SSB: variants seen among roughly 807,000 people sequenced by gnomAD.
SSB encodes lupus La protein.
SSB carries 17 observed loss-of-function variants against 52.9 expected under a neutral mutation model. The ratio of observed to expected loss-of-function variants is 0.32; its 90% CI spans 0.22 to 0.48. The LOEUF (loss-of-function observed/expected upper bound fraction) is 0.48, where lower values mean the gene tolerates loss of function less well. Among genes scored for constraint, SSB ranks in the 20% least tolerant of loss-of-function variants. The pLI, the probability that SSB is intolerant of heterozygous loss-of-function variation, is 0.99. For missense variants in SSB, 314 were observed against 463.6 expected (o/e 0.68, Z 2.96); for synonymous variants, 111 against 152.1 (o/e 0.73, Z 1.99).
chr2:169,807,090 G>GTTTC lies in SSB; in HGVS notation c.554+21_554+24dup, dbSNP rs1200664121. ...TTTTCAAGTAAGTCTTTTTGCTGAT[G>GTTTC]TTTCTCCTGGCCTTTTACTTATATG... On this transcript the variant is annotated intron_variant, in intron 6 of 11. Transcript: ENST00000260956. 6.2e-7 allele frequency: 1 copy of GTTTC among 1,605,082 alleles called. No homozygotes were observed. Among genetic ancestry groups the GTTTC allele is most frequent in the African/African-American group, 1.3e-5 (1 of 74,684 alleles).
At chr2:169,804,892 C>G (rs1319327068) in intron 2 of SSB, among the ~76,000 whole-genome samples, 2 of 151,942 alleles carry the variant, frequency 1.3e-5, no homozygotes, top group Admixed American at 1.3e-4. Context: ...AATCCCAGCA[C>G]TTTGGGAGGC....
At position 169,811,248 on chromosome 2, in the gene SSB, G is replaced by T; in HGVS notation, c.1063G>T (p.Val355Leu). Reference sequence around the variant, plus strand: ...CCAGCCTGGGTCTGGTAAAGGAAAAGTACAGTTTCAGGGCAAGAAAACGAA... The same window carrying T: ...CCAGCCTGGGTCTGGTAAAGGAAAATTACAGTTTCAGGGCAAGAAAACGAA... Reference protein sequence around the residue: ...AAQPGSGKGKVQFQGKKTKFA... With the variant: ...AAQPGSGKGKLQFQGKKTKFA... Residue 355 changes from valine to leucine, a missense_variant, in exon 11 of 12, where the codon GTA becomes TTA. Transcript: ENST00000260956. The T allele has an allele frequency of 6.2e-7, 1 of 1,611,422 alleles. No homozygotes were observed. The highest frequency in any genetic ancestry group is 8.5e-7 in the Non-Finnish European group (1 of 1,179,514).
Position 169,806,998 on chromosome 2 carries a change from A to G in SSB, c.481A>G (p.Ile161Val). The G allele has an allele frequency of 6.2e-7, 1 of 1,614,010 alleles. No individual in the cohort carries two copies. The change falls in exon 6 of 12, where the codon ATT (isoleucine) becomes GTT (valine). Residue 161 changes from isoleucine to valine, a missense_variant. By Grantham distance (29) the Ile-to-Val change is conservative (BLOSUM62 3). Coordinates refer to ENST00000260956, the MANE Select transcript of SSB (RefSeq NM_003142.5). Reference protein sequence around the residue: ...KGSIFVVFDSIESAKKFVETP... With the variant: ...KGSIFVVFDSVESAKKFVETP... ...ATCAATTTTTGTTGTGTTTGATAGC[A>G]TTGAATCTGCTAAGAAATTTGTAGA... is the stretch of plus-strand genomic sequence containing the variant.
chr2:169,803,501 C>T (rs897706737), intron 2 of SSB, among the ~76,000 whole-genome samples: 9 of 152,226 alleles, frequency 5.9e-5, no homozygotes, highest in Non-Finnish European at 5.9e-5. Flanking sequence ...CCACCTGCTT[C>T]GGCCACCCAA....
rs1689700738 is a variant in SSB, at chr2:169,800,949, C to T, written c.-9-3C>T. On this transcript the variant is annotated splice_polypyrimidine_tract_variant and splice_region_variant and intron_variant, in intron 1 of 11. Coordinates refer to ENST00000260956, the MANE Select transcript of SSB (RefSeq NM_003142.5). ...CTTTATGCTAATTTGGGAAATTTTACAGATAGCCGCAATGGCTGAAAATGG... is the reference window on the plus strand; with the variant it reads ...CTTTATGCTAATTTGGGAAATTTTATAGATAGCCGCAATGGCTGAAAATGG... 1 of 1,570,632 alleles carries T rather than the reference C, an allele frequency of 6.4e-7. No individual in the cohort carries two copies. Among genetic ancestry groups the T allele is most frequent in the South Asian group, 1.2e-5 (1 of 83,176 alleles).
chr2:169,805,529 A>C lies in SSB; in HGVS notation c.122A>C (p.Lys41Thr), dbSNP rs774515446. The C allele has an allele frequency of 6.2e-7, 1 of 1,614,014 alleles. No individual in the cohort carries two copies. The highest frequency in any genetic ancestry group is 2.2e-5 in the East Asian group (1 of 44,850). The change falls in exon 3 of 12, where the codon AAA (lysine) becomes ACA (threonine). Residue 41 changes from lysine (K) to threonine (T), a missense_variant. Coordinates refer to ENST00000260956, the MANE Select transcript of SSB (RefSeq NM_003142.5). ...PRDKFLKEQI[K>T]LDEGWVPLEI... ...GACAAGTTTCTAAAGGAACAGATAA[A>C]ACTGGATGAAGGCTGGGTACCTTTG...
Position 169,808,564 on chromosome 2 carries a change from T to C in SSB, c.626+11T>C, listed in dbSNP as rs537620542. ...ATTAAGAGCTAAACAGTAAGTATGT[T>C]GAACTAATCACGACATAATTTGAAT... On this transcript the variant is annotated intron_variant, in intron 7 of 11. Coordinates refer to ENST00000260956, the MANE Select transcript of SSB (RefSeq NM_003142.5). 1.3e-6 allele frequency: 2 copies of C among 1,592,718 alleles called. No individual in the cohort carries two copies. Among genetic ancestry groups the C allele is most frequent in the Non-Finnish European group, 1.7e-6 (2 of 1,161,364 alleles).
intron 6 of SSB, 28 bp from the exon 7 acceptor site, chr2:169,808,454 C>T (rs766719050): frequency 2.8e-5 from 44 of 1,587,188 alleles, no homozygotes; most frequent in African/African-American, 4.1e-5. Flanking sequence ...TTCTCGTGAA[C>T]TTAGCCTCTG....
intron 11 of SSB, 72 bp from the exon 12 acceptor site, chr2:169,811,593 TTAG>T: frequency 6.5e-7 from 1 of 1,546,906 alleles, no homozygotes; most frequent in Non-Finnish European, 8.7e-7. Flanking sequence ...AGTATCATTA[TTAG>T]TAATTGTGCT....
At chr2:169,803,292 T>C (rs1252746660) in intron 2 of SSB, among the ~76,000 whole-genome samples, 1 of 152,114 alleles carries the variant, frequency 6.6e-6, no homozygotes, top group Admixed American at 6.6e-5. Context: ...AGTCTCACTC[T>C]TGTCTCCCAG....
rs755760936 is a variant in SSB, at chr2:169,811,750, C to T, written c.1221C>T (p.Asp407=). The change falls in exon 12 of 12, where the codon GAC becomes GAT. Residue 407 remains aspartate (D), a synonymous_variant. Coordinates refer to ENST00000260956, the MANE Select transcript of SSB (RefSeq NM_003142.5). ...AGAAAACAGAAAATGGTGCTGGAGA[C>T]CAGTAGTTTAGTAAACCAATTTTTT... ...KQQKTENGAG[D]Q is the part of the protein sequence containing the mutation. The T allele has an allele frequency of 1.9e-6, 3 of 1,613,378 alleles. No homozygotes were observed. The highest frequency in any genetic ancestry group is 1.3e-5 in the African/African-American group (1 of 74,986).
intron 1 of SSB, among the ~76,000 whole-genome samples, chr2:169,800,323 G>A (rs1188591685): frequency 1.3e-5 from 2 of 152,088 alleles, no homozygotes; most frequent in Non-Finnish European, 2.9e-5. Context: ...CAGAGGTCAG[G>A]AGTTCAAGAC....
intron 9 of SSB, 71 bp from the exon 10 acceptor site, chr2:169,810,787 C>T (rs1290868437): frequency 6.1e-6 from 9 of 1,470,002 alleles, no homozygotes; most frequent in African/African-American, 1.4e-5. Context: ...GAAAAAATTA[C>T]TTTGGACAAA....
chr2:169,806,978 T>C lies in SSB; in HGVS notation c.461T>C (p.Ile154Thr), dbSNP rs1558971367. The C allele has an allele frequency of 1.2e-6, 2 of 1,613,584 alleles. No homozygotes were observed. The highest frequency in any genetic ancestry group is 1.3e-5 in the African/African-American group (1 of 75,030). The change falls in exon 6 of 12, where the codon ATT becomes ACT. Residue 154 changes from isoleucine (I) to threonine (T), a missense_variant. Coordinates refer to ENST00000260956, the MANE Select transcript of SSB (RefSeq NM_003142.5). ...TTTCCTTCCTTTTTACAGGGATCAA[T>C]TTTTGTTGTGTTTGATAGCATTGAA... Reference protein sequence around the residue: ...RTLHKAFKGSIFVVFDSIESA... With the variant: ...RTLHKAFKGSTFVVFDSIESA...
intron 11 of SSB, 100 bp from the exon 12 acceptor site, chr2:169,811,568 T>G: frequency 3.4e-6 from 5 of 1,482,858 alleles, no homozygotes; most frequent in Non-Finnish European, 4.5e-6. Flanking sequence ...AGGAAGTTGT[T>G]GCATCTTTTT....
At position 169,805,523 on chromosome 2, in the gene SSB, A is replaced by G. The variant is rs1374635098; in HGVS notation, c.116A>G (p.Gln39Arg). Residue 39 changes from glutamine (Q) to arginine (R), a missense_variant, in exon 3 of 12, where the codon CAG (glutamine) becomes CGG (arginine). Coordinates refer to ENST00000260956, the MANE Select transcript of SSB (RefSeq NM_003142.5). ...CCACGGGACAAGTTTCTAAAGGAAC[A>G]GATAAAACTGGATGAAGGCTGGGTA... ...NLPRDKFLKE[Q>R]IKLDEGWVPL... 2 of 1,613,874 alleles carry G rather than the reference A, an allele frequency of 1.2e-6. No homozygotes were observed. The highest frequency in any genetic ancestry group is 1.7e-6 in the Non-Finnish European group (2 of 1,180,004).
chr2:169,805,661 T>TC lies in SSB; in HGVS notation c.171-3dup, dbSNP rs1378421988. 6.2e-7 allele frequency: 1 copy of TC among 1,613,810 alleles called. No homozygotes were observed. The highest frequency in any genetic ancestry group is 2.2e-5 in the East Asian group (1 of 44,854). The stretch of plus-strand genomic sequence containing the variant: ...AGTCTTATGTTTTTATATGTACTCT[T>TC]CAGGTTGAACCGTCTAACAACAGAC... On this transcript the variant is annotated splice_polypyrimidine_tract_variant and splice_region_variant and intron_variant, in intron 3 of 11. Coordinates refer to ENST00000260956, the MANE Select transcript of SSB (RefSeq NM_003142.5).
chr2:169,801,704 T>C (rs1249390835), intron 2 of SSB, among the ~76,000 whole-genome samples: 1 of 151,844 alleles, frequency 6.6e-6, no homozygotes, highest in Non-Finnish European at 1.5e-5. Flanking sequence ...TGGCTAATTT[T>C]TGTATTTTTA....
chr2:169,809,826 C>T (rs2857390), intron 8 of SSB, among the ~76,000 whole-genome samples: 5,339 of 152,012 alleles, frequency 0.035, 131 homozygotes, highest in Non-Finnish European at 0.055. Context: ...CCATGTTAGC[C>T]AGGATGCTCT....
Sources: allele counts gnomAD v4.1 joint callset (sites outside exome capture counted in the v4.1 genomes callset), GRCh38; gene constraint gnomAD v4.1.1; transcripts MANE v1.5; gene names NCBI Gene and HGNC (gene_info 2026-07-23, HGNC 2026-07-21).